FANCM: variants seen among roughly 807,000 people sequenced by gnomAD.
FANCM encodes FA complementation group M, also known as Fanconi anemia group M protein.
A neutral mutation model predicts 199.5 loss-of-function variants in FANCM; 140 were observed. The observed-to-expected ratio is 0.70, with a 90% CI of 0.61 to 0.81. The LOEUF is 0.81. Ranked by LOEUF, FANCM falls within the 30% of genes least tolerant of loss-of-function variation. The pLI is 0.00. For missense variants in FANCM, 2,410 were observed against 2,421.4 expected, an observed-to-expected ratio of 1.00 and a Z score of 0.10; for synonymous variants, 840 against 836.8, an observed-to-expected ratio of 1.00 and a Z score of -0.07.
rs1166716690 is a variant in FANCM, at chr14:45,137,136, G to A, written c.576G>A (p.Gln192=). 6 of 1,613,480 alleles carry A rather than the reference G, an allele frequency of 3.7e-6. No homozygotes were observed. In the South Asian group the frequency reaches 5.5e-5, roughly 15 times the overall value. The part of the protein sequence containing the change: ...CSKRVLFLTP[Q]VMVNDLSRGA... ...AGAGAGTGCTTTTTCTTACACCTCA[G>A]GTCATGGTAAATGACCTTTCTAGAG... Residue 192 remains glutamine (Q), a synonymous_variant, in exon 2 of 23, where the codon CAG becomes CAA. Transcript: ENST00000267430.
intron 11 of FANCM, among the ~76,000 whole-genome samples, chr14:45,167,794 ATAAC>A (rs1274761759): frequency 1.3e-5 from 2 of 152,204 alleles, no homozygotes; most frequent in African/African-American, 4.8e-5. Flanking sequence ...TAAAAATCAT[ATAAC>A]TAACATTTGG....
chr14:45,172,276 A>G (rs1300628608), intron 12 of FANCM, among the ~76,000 whole-genome samples: 1 of 152,096 alleles, frequency 6.6e-6, no homozygotes. Context: ...AGCCCCATCT[A>G]TCTTTGTTTT....
rs768830366 is a variant in FANCM at position 45,167,080 on chromosome 14, T to C, written c.1919T>C (p.Met640Thr). The C allele has an allele frequency of 2.5e-6, 4 of 1,613,590 alleles. No individual in the cohort carries two copies. In the African/African-American group the frequency reaches 4.0e-5, roughly 16 times the overall value. ...GGAATCAACCCAAAATTACACAAAA[T>C]GTTCATCACACATGGTGTCTATGAA... ...PDGINPKLHKMFITHGVYEPE... is the reference protein window; with the variant it reads ...PDGINPKLHKTFITHGVYEPE... The change falls in exon 11 of 23, where the codon ATG becomes ACG. Residue 640 changes from methionine (M) to threonine (T), a missense_variant. Physicochemically the swap from Met to Thr is moderately conservative, Grantham distance 81. Transcript: ENST00000267430.
intron 13 of FANCM, among the ~76,000 whole-genome samples, chr14:45,174,429 T>C (rs76810812): frequency 0.018 from 2,681 of 151,170 alleles, 91 homozygotes; most frequent in African/African-American, 0.062. Flanking sequence ...ACTGCTTAAG[T>C]CTATAAGTAG....
chr14:45,196,889 G>A (rs1314181392), intron 21 of FANCM, among the ~76,000 whole-genome samples: 1 of 152,206 alleles, frequency 6.6e-6, no homozygotes, highest in Admixed American at 6.5e-5. Context: ...GAGTTGGTGG[G>A]AGGAGTTGAG....
rs1888105889 is a variant in FANCM at position 45,168,126 on chromosome 14, G to C, written c.2002+963G>C. 2.0e-5 allele frequency among the ~76,000 whole-genome samples: 3 copies of C among 152,112 alleles called. No homozygotes were observed. In the South Asian group the frequency reaches 6.2e-4, roughly 32 times the overall value. Reference sequence around the variant, plus strand: ...ACCTTTTATGTTTGTTCAACTGTTTGTTCCACTGTTGTCATACCATGCATT... The same window carrying C: ...ACCTTTTATGTTTGTTCAACTGTTTCTTCCACTGTTGTCATACCATGCATT... On this transcript the variant is annotated intron_variant, in intron 11 of 22. Transcript: ENST00000267430.
rs763980494 is a variant in FANCM at position 45,159,265 on chromosome 14, G to T, written c.1566G>T (p.Gln522His). 4 of 1,612,474 alleles carry T rather than the reference G, an allele frequency of 2.5e-6. No homozygotes were observed. Among genetic ancestry groups the T allele is most frequent in the Non-Finnish European group, 3.4e-6 (4 of 1,178,904 alleles). The change falls in exon 9 of 23, where the codon CAG (glutamine) becomes CAT (histidine). Residue 522 changes from glutamine to histidine, a missense_variant. By Grantham distance (24) the Gln-to-His change is conservative. Transcript: ENST00000267430. ...GGAAAAGCACGAAGGGTTTTACCCA[G>T]AAGGAGCAACTGGAGGTAATTATTT... ...ASGKSTKGFT[Q>H]KEQLEVVKQF...
At chr14:45,143,640 A>G (rs567216204) in intron 3 of FANCM, among the ~76,000 whole-genome samples, 1 of 151,260 alleles carries the variant, frequency 6.6e-6, no homozygotes, top group African/African-American at 2.4e-5. Flanking sequence ...GACCTGTCCT[A>G]TAATATTCTG....
intron 3 of FANCM, among the ~76,000 whole-genome samples, chr14:45,147,276 C>A (rs179105): frequency 6.6e-5 from 10 of 151,032 alleles, no homozygotes; most frequent in Admixed American, 4.6e-4. Flanking sequence ...CAAAACCAAG[C>A]CCTCAAAGCT....
chr14:45,141,715 G>A (rs927954306), intron 3 of FANCM, among the ~76,000 whole-genome samples: 1 of 150,546 alleles, frequency 6.6e-6, no homozygotes, highest in African/African-American at 2.5e-5. Flanking sequence ...TCACCCTCCC[G>A]AGTAGCTGGG....
intron 12 of FANCM, 115 bp downstream of exon 12, chr14:45,170,861 T>A: frequency 1.2e-6 from 1 of 863,364 alleles, no homozygotes; most frequent in Non-Finnish European, 1.9e-6. Flanking sequence ...GAGATAATTG[T>A]GATTGGAATG....
At position 45,167,001 on chromosome 14, in the gene FANCM, A is replaced by G. The variant is rs146941592; in HGVS notation, c.1840A>G (p.Ser614Gly). The G allele has an allele frequency of 1.2e-6, 2 of 1,610,084 alleles. No individual in the cohort carries two copies. The highest frequency in any genetic ancestry group is 1.7e-6 in the Non-Finnish European group (2 of 1,176,322). The change falls in exon 11 of 23, where the codon AGT becomes GGT. Residue 614 changes from serine (S) to glycine (G), a missense_variant. By Grantham distance (56) the Ser-to-Gly change is moderately conservative. Coordinates refer to ENST00000267430, the MANE Select transcript of FANCM (RefSeq NM_020937.4). ...NKRSIYKAIS[S>G]NRQVLHFYQR... ...AAGAAGTATATATAAAGCTATTTCA[A>G]GTAACAGGCAGGTCCTTCATTTTTA...
chr14:45,189,025 T>C lies in FANCM; in HGVS notation c.5003T>C (p.Ile1668Thr). ...TCAAAAAAGAAATTATCCAGAATTA[T>C]TTTACCAGATGATTCAAGTGAGGAG... Reference protein sequence around the residue: ...AHSKKKLSRIILPDDSSEEEN... With the variant: ...AHSKKKLSRITLPDDSSEEEN... The change falls in exon 20 of 23, where the codon ATT becomes ACT. Residue 1668 changes from isoleucine to threonine, a missense_variant. Physicochemically the swap from Ile to Thr is moderately conservative, Grantham distance 89. Coordinates refer to ENST00000267430, the MANE Select transcript of FANCM (RefSeq NM_020937.4). 6.2e-7 allele frequency: 1 copy of C among 1,614,024 alleles called. No individual in the cohort carries two copies. The highest frequency in any genetic ancestry group is 8.5e-7 in the Non-Finnish European group (1 of 1,179,892).
At position 45,173,097 on chromosome 14, in the gene FANCM, G is replaced by C; in HGVS notation, c.2203G>C (p.Glu735Gln). The C allele has an allele frequency of 6.2e-7, 1 of 1,611,312 alleles. No individual in the cohort carries two copies. ...TGGAATTCATCAACTCTCTCTCTCT[G>C]AATGGAGACTGTGGCAAGATCATCC... is the stretch of plus-strand genomic sequence containing the variant. ...TTGIHQLSLSEWRLWQDHPLP... is the reference protein window; with the variant it reads ...TTGIHQLSLSQWRLWQDHPLP... The change falls in exon 13 of 23, where the codon GAA becomes CAA. Residue 735 changes from glutamate (E) to glutamine (Q), a missense_variant. By Grantham distance (29) the Glu-to-Gln change is conservative (BLOSUM62 2). Transcript: ENST00000267430.
At chr14:45,177,617 C>T (rs1888797322) in intron 14 of FANCM, among the ~76,000 whole-genome samples, 1 of 152,074 alleles carries the variant, frequency 6.6e-6, no homozygotes. Flanking sequence ...GTCTTGAACT[C>T]CTGACCTCAG....
chr14:45,193,113 G>A (rs528958779), intron 20 of FANCM, among the ~76,000 whole-genome samples: 2 of 152,290 alleles, frequency 1.3e-5, no homozygotes, highest in African/African-American at 4.8e-5. Flanking sequence ...GGAACAAAAA[G>A]CTTTAAGCTA....
chr14:45,162,322 T>C (rs757766764), intron 9 of FANCM, among the ~76,000 whole-genome samples: 10 of 152,232 alleles, frequency 6.6e-5, no homozygotes, highest in Middle Eastern at 3.4e-3. Context: ...GGAGCTTGGT[T>C]TTAGATGAGT....
chr14:45,181,395 A>G (rs1349204138), intron 14 of FANCM, 35 bp from the exon 15 acceptor site: 2 of 1,139,886 alleles, frequency 1.8e-6, no homozygotes, highest in Non-Finnish European at 2.6e-6. Context: ...ACCTAAATCT[A>G]TTAACCATTC....
At chr14:45,181,181 T>C (rs1889042309) in intron 14 of FANCM, among the ~76,000 whole-genome samples, 2 of 152,230 alleles carry the variant, frequency 1.3e-5, no homozygotes, top group Non-Finnish European at 2.9e-5. Flanking sequence ...ATTTATAAAA[T>C]TGAACTTCAT....
Sources: allele counts gnomAD v4.1 joint callset (sites outside exome capture counted in the v4.1 genomes callset), GRCh38; gene constraint gnomAD v4.1.1; transcripts MANE v1.5; gene names NCBI Gene and HGNC (gene_info 2026-07-23, HGNC 2026-07-21).